Variants in OPCML observed in about 807,000 individuals in gnomAD.
The protein encoded by OPCML is opioid-binding protein/cell adhesion molecule.
In OPCML, 13 loss-of-function variants were observed where a neutral mutation model predicts 37.8. The ratio of observed to expected loss-of-function variants is 0.34; its 90% CI spans 0.22 to 0.55. The LOEUF (loss-of-function observed/expected upper bound fraction) is 0.55, where lower values mean the gene tolerates loss of function less well. OPCML is among the 20% of genes least tolerant of loss of function. The pLI is 0.91. For synonymous variants in OPCML, 176 were observed against 168.8 expected (o/e 1.04, Z -0.33); for missense variants, 341 against 435.6 (o/e 0.78, Z 1.93).
At chr11:133,159,599 A>G (rs1250505669) in intron 1 of OPCML, among the ~76,000 whole-genome samples, 3 of 152,230 alleles carry the variant, frequency 2.0e-5, no homozygotes, top group African/African-American at 7.2e-5. Context: ...CATGCGGCCA[A>G]TCTTGCATTC....
intron 3 of OPCML, among the ~76,000 whole-genome samples, chr11:132,536,439 A>T (rs1266821717): frequency 6.6e-6 from 1 of 152,202 alleles, no homozygotes; most frequent in African/African-American, 2.4e-5. Flanking sequence ...TGGGCATAAA[A>T]ATATTTGCAT....
chr11:132,598,916 C>A (rs1442647053), intron 3 of OPCML, among the ~76,000 whole-genome samples: 1 of 152,124 alleles, frequency 6.6e-6, no homozygotes, highest in Non-Finnish European at 1.5e-5. Flanking sequence ...TTAGCTCAGC[C>A]CTGAGTTTTG....
At chr11:133,028,057 G>T (rs970682801) in intron 1 of OPCML, among the ~76,000 whole-genome samples, 1 of 151,916 alleles carries the variant, frequency 6.6e-6, no homozygotes, top group African/African-American at 2.4e-5. Flanking sequence ...AGTAAGGTTT[G>T]AACACTTTTC....
At chr11:132,683,023 G>A (rs1360816571) in intron 2 of OPCML, among the ~76,000 whole-genome samples, 1 of 152,174 alleles carries the variant, frequency 6.6e-6, no homozygotes, top group Non-Finnish European at 1.5e-5. Flanking sequence ...TCTAGATTTT[G>A]ATGTTCTTAT....
chr11:132,683,184 G>T (rs1377328555), intron 2 of OPCML, among the ~76,000 whole-genome samples: 1 of 152,140 alleles, frequency 6.6e-6, no homozygotes, highest in African/African-American at 2.4e-5. Context: ...GGAAGTTGAG[G>T]CTGGAAGAGT....
At chr11:132,787,466 A>G (rs899886805) in intron 2 of OPCML, among the ~76,000 whole-genome samples, 4 of 152,182 alleles carry the variant, frequency 2.6e-5, no homozygotes, top group African/African-American at 9.7e-5. Flanking sequence ...GGCAAATCGC[A>G]TAGCTTTGTT....
chr11:133,358,904 G>A (rs1944352655), intron 1 of OPCML, among the ~76,000 whole-genome samples: 1 of 152,098 alleles, frequency 6.6e-6, no homozygotes, highest in African/African-American at 2.4e-5. Context: ...GGTGTCTGAT[G>A]GGTTTACAGA....
chr11:133,433,050 T>C (rs1267731289), intron 1 of OPCML, among the ~76,000 whole-genome samples: 2 of 152,188 alleles, frequency 1.3e-5, no homozygotes, highest in Non-Finnish European at 2.9e-5. Context: ...ATGAATTCTT[T>C]CCACAGCTGG....
chr11:132,529,860 T>C (rs528527105), intron 3 of OPCML, among the ~76,000 whole-genome samples: 3 of 152,306 alleles, frequency 2.0e-5, no homozygotes, highest in Non-Finnish European at 4.4e-5. Context: ...ACTGTAACCA[T>C]GAGATTGTAC....
At chr11:133,003,508 G>A (rs375127889) in intron 1 of OPCML, among the ~76,000 whole-genome samples, 1 of 152,174 alleles carries the variant, frequency 6.6e-6, no homozygotes, top group East Asian at 1.9e-4. Flanking sequence ...AATCCAGGAT[G>A]ATCTCCCCAT....
In OPCML at chr11:133,211,300, C is replaced by A. The variant is rs545775712; in HGVS notation, c.62-268290G>T. Among the ~76,000 whole-genome samples, 1 of 152,156 alleles carries A rather than the reference C, an allele frequency of 6.6e-6. No homozygotes were observed. Among genetic ancestry groups the A allele is most frequent in the African/African-American group, 2.4e-5 (1 of 41,416 alleles). ...CTCTAATTGAGACCACAGCACCCAG[C>A]ACCTAAAAATCCACTCTTTAAGCAT... On this transcript the variant is annotated intron_variant, in intron 1 of 7. Coordinates refer to ENST00000524381, the MANE Select transcript of OPCML (RefSeq NM_001012393.5). This position sits in a 1 kb window ranked among gnomAD's most constrained non-coding sequence, Gnocchi z 4.1.
At position 133,039,623 on chromosome 11, in the gene OPCML, G is replaced by A. The variant is rs78423337; in HGVS notation, c.62-96613C>T. 8.9e-3 allele frequency among the ~76,000 whole-genome samples: 1,351 copies of A among 152,296 alleles called. 12 individuals are homozygous for A. The highest frequency in any genetic ancestry group is 0.031 in the Middle Eastern group (9 of 294). On this transcript the variant is annotated intron_variant, in intron 1 of 7. Transcript: ENST00000524381. ...TTACAAGAAGCTCCCCAGATGCCAG[G>A]ACCAGGGAGGTACGGCTCATGAATC...
chr11:132,470,173 A>G lies in OPCML; in HGVS notation c.506-32814T>C, dbSNP rs7103427. ...CACATTGTTGCAGAAGGGATGCAAA[A>G]ATGGAAGCATGGAGGGTGCAGAGGG... On this transcript the variant is annotated intron_variant, in intron 4 of 7. Coordinates refer to ENST00000524381, the MANE Select transcript of OPCML (RefSeq NM_001012393.5). Among the ~76,000 whole-genome samples, 318 of 152,208 alleles carry G rather than the reference A, an allele frequency of 2.1e-3. 1 individual carries two copies. Among genetic ancestry groups the G allele is most frequent in the African/African-American group, 7.4e-3 (308 of 41,524 alleles).
intron 3 of OPCML, among the ~76,000 whole-genome samples, chr11:132,531,955 T>C (rs931723401): frequency 6.6e-6 from 1 of 152,096 alleles, no homozygotes; most frequent in Non-Finnish European, 1.5e-5. Flanking sequence ...AGAGGCTCCC[T>C]GATAGTAAGT....
intron 1 of OPCML, among the ~76,000 whole-genome samples, chr11:133,086,323 A>AT (rs776666531): frequency 2.2e-4 from 34 of 151,220 alleles, no homozygotes; most frequent in Non-Finnish European, 3.5e-4. Context: ...ATGTGATGTG[A>AT]TTTTTTTTTC....
intron 4 of OPCML, among the ~76,000 whole-genome samples, chr11:132,512,547 A>T (rs1256353139): frequency 2.0e-5 from 3 of 152,046 alleles, no homozygotes; most frequent in African/African-American, 7.2e-5. Context: ...CACAACATGA[A>T]TAAAACTCAA....
intron 1 of OPCML, among the ~76,000 whole-genome samples, chr11:133,306,180 A>T (rs1942911785): frequency 6.6e-6 from 1 of 152,160 alleles, no homozygotes; most frequent in Admixed American, 6.5e-5. Flanking sequence ...TTGGTCCTGA[A>T]ATCATGAGTG....
rs559315735 is a variant in OPCML, at chr11:132,697,246, T to A, written c.147-39927A>T. On this transcript the variant is annotated intron_variant, in intron 2 of 7. Coordinates refer to ENST00000524381, the MANE Select transcript of OPCML (RefSeq NM_001012393.5). Reference sequence around the variant, plus strand: ...TGCCACAGTCATGTTAATTAACATATCCATCACCTCACATAATTACCTTCT... The same window carrying A: ...TGCCACAGTCATGTTAATTAACATAACCATCACCTCACATAATTACCTTCT... Among the ~76,000 whole-genome samples the A allele has an allele frequency of 5.9e-5, 9 of 152,338 alleles. No homozygotes were observed. In the East Asian group the frequency reaches 1.7e-3, roughly 29 times the overall value.
intron 1 of OPCML, among the ~76,000 whole-genome samples, chr11:133,287,406 G>A (rs529982763): frequency 9.3e-5 from 14 of 150,756 alleles, no homozygotes; most frequent in African/African-American, 3.4e-4. Flanking sequence ...GCCGAAACAA[G>A]TGGGCAAAAT....
Sources: allele counts gnomAD v4.1 joint callset (sites outside exome capture counted in the v4.1 genomes callset), GRCh38; gene constraint gnomAD v4.1.1; non-coding constraint Gnocchi (gnomAD v3.1); transcripts MANE v1.5; gene names NCBI Gene and HGNC (gene_info 2026-07-23, HGNC 2026-07-21).